Variants in NAALAD2 observed in about 807,000 individuals in gnomAD.
NAALAD2 encodes N-acetylated-alpha-linked acidic dipeptidase 2.
NAALAD2 carries 89 observed loss-of-function variants against 95.6 expected under a neutral mutation model. That is an observed-to-expected ratio of 0.93 (90% CI 0.78 to 1.11). The LOEUF is 1.11. Ranked by LOEUF, NAALAD2 falls within the 50% of genes least tolerant of loss-of-function variation. The pLI is 0.00. For synonymous variants in NAALAD2, 264 were observed against 294.4 expected, an observed-to-expected ratio of 0.90 and a Z score of 1.06; for missense variants, 894 against 872.4, an observed-to-expected ratio of 1.02 and a Z score of -0.31.
chr11:90,182,368 T>C (rs1033801874), intron 17 of NAALAD2, among the ~76,000 whole-genome samples: 2 of 152,146 alleles, frequency 1.3e-5, no homozygotes, highest in African/African-American at 2.4e-5. Context: ...TCAGTAGTTT[T>C]AAGGGACCTC....
intron 5 of NAALAD2, among the ~76,000 whole-genome samples, chr11:90,151,099 G>C (rs1366139769): frequency 1.3e-5 from 2 of 151,738 alleles, no homozygotes; most frequent in African/African-American, 4.8e-5. Context: ...GTAATACATT[G>C]GTTAAGAGTA....
At chr11:90,161,713 T>G (rs1952304279) in intron 8 of NAALAD2, among the ~76,000 whole-genome samples, 1 of 152,186 alleles carries the variant, frequency 6.6e-6, no homozygotes, top group African/African-American at 2.4e-5. Context: ...TTTAGACTAA[T>G]ATCAATTTTT....
At chr11:90,146,509 C>A (rs1022390919) in intron 2 of NAALAD2, among the ~76,000 whole-genome samples, 2 of 151,238 alleles carry the variant, frequency 1.3e-5, no homozygotes, top group Non-Finnish European at 2.9e-5. Flanking sequence ...CAAGCACCCG[C>A]CACGACGCCT....
chr11:90,190,112 T>C (rs1240481456), intron 18 of NAALAD2, among the ~76,000 whole-genome samples: 1 of 152,196 alleles, frequency 6.6e-6, no homozygotes, highest in African/African-American at 2.4e-5. Context: ...CTGAGAAAAT[T>C]AGGGAAAGGA....
intron 13 of NAALAD2, among the ~76,000 whole-genome samples, chr11:90,171,744 G>T (rs959641564): frequency 6.6e-6 from 1 of 152,126 alleles, no homozygotes; most frequent in African/African-American, 2.4e-5. Context: ...AAGCCATATT[G>T]GTGACTTGAG....
chr11:90,166,336 A>C (rs988400599), intron 11 of NAALAD2, among the ~76,000 whole-genome samples: 8 of 152,112 alleles, frequency 5.3e-5, no homozygotes, highest in Non-Finnish European at 8.8e-5. Context: ...AGAGAGAGCG[A>C]AAGAGTCTTA....
intron 18 of NAALAD2, among the ~76,000 whole-genome samples, chr11:90,187,426 T>C (rs12789365): frequency 0.3 from 45,391 of 152,030 alleles, 7,916 homozygotes; most frequent in Non-Finnish European, 0.39. Flanking sequence ...CTAATGCTAA[T>C]TCATATTATT....
chr11:90,167,279 G>A (rs1452568243), intron 11 of NAALAD2, among the ~76,000 whole-genome samples: 3 of 152,142 alleles, frequency 2.0e-5, no homozygotes, highest in Admixed American at 6.5e-5. Flanking sequence ...GCCCGCCCTC[G>A]GAGGCGCCGG....
chr11:90,169,869 C>T (rs1394965679), intron 12 of NAALAD2, among the ~76,000 whole-genome samples, 200 bp from the exon 13 acceptor site: 1 of 152,110 alleles, frequency 6.6e-6, no homozygotes, highest in Non-Finnish European at 1.5e-5. Flanking sequence ...CCACCAAGAC[C>T]TTCTACTATT....
intron 2 of NAALAD2, among the ~76,000 whole-genome samples, chr11:90,145,064 C>T (rs1487719024): frequency 6.6e-6 from 1 of 152,114 alleles, no homozygotes; most frequent in East Asian, 1.9e-4. Context: ...CATTACCCTC[C>T]CTCTAGCAAT....
chr11:90,167,610 C>A (rs1263587463), intron 11 of NAALAD2, among the ~76,000 whole-genome samples: 4 of 152,160 alleles, frequency 2.6e-5, no homozygotes, highest in African/African-American at 9.7e-5. Flanking sequence ...GCTCCTGAGT[C>A]TGGTGGGGAC....
Position 90,163,603 on chromosome 11 carries a change from A to T in NAALAD2, c.1264A>T (p.Thr422Ser). 6.2e-7 allele frequency: 1 copy of T among 1,614,102 alleles called. No individual in the cohort carries two copies. The highest frequency in any genetic ancestry group is 1.1e-5 in the South Asian group (1 of 91,078). Residue 422 changes from threonine (T) to serine (S), a missense_variant, in exon 11 of 19, where the codon ACA becomes TCA. Thr to Ser is a moderately conservative substitution (Grantham distance 58). Coordinates refer to ENST00000534061, the MANE Select transcript of NAALAD2 (RefSeq NM_005467.4). Reference sequence around the variant, plus strand: ...AGAAGAATTTGGACTTCTGGGTTCCACAGAATGGGCTGAGGTAAATAAGAC... The same window carrying T: ...AGAAGAATTTGGACTTCTGGGTTCCTCAGAATGGGCTGAGGTAAATAAGAC... The part of the protein sequence containing the change: ...DAEEFGLLGS[T>S]EWAEENVKIL...
At chr11:90,138,994 A>T (rs1366643703) in intron 2 of NAALAD2, among the ~76,000 whole-genome samples, 1 of 151,906 alleles carries the variant, frequency 6.6e-6, no homozygotes, top group African/African-American at 2.4e-5. Flanking sequence ...CTTTCCATAG[A>T]GTGCAGTGAG....
At chr11:90,177,553 GGGTGTTATAT>G (rs1216831045) in intron 15 of NAALAD2, among the ~76,000 whole-genome samples, 1 of 144,640 alleles carries the variant, frequency 6.9e-6, no homozygotes, top group African/African-American at 2.6e-5. Flanking sequence ...GTAAAACTCA[GGGTGTTATAT>G]GGTTGTATTT....
Position 90,191,777 on chromosome 11 carries a change from G to C in NAALAD2, c.*30G>C. ...TCTCAAGTGGCTAGCCATTAAAGGT[G>C]TTGCTAAAAGTCTGAGGATAAAATT... On this transcript the variant is annotated 3_prime_UTR_variant, in exon 19 of 19. Coordinates refer to ENST00000534061, the MANE Select transcript of NAALAD2 (RefSeq NM_005467.4). 1 of 1,435,106 alleles carries C rather than the reference G, an allele frequency of 7.0e-7. No homozygotes were observed. The highest frequency in any genetic ancestry group is 9.2e-7 in the Non-Finnish European group (1 of 1,086,574). 88.9% of individuals were successfully genotyped at this position (1,435,106 alleles called of 1,614,324 possible). A position where few individuals can be genotyped will look rare whatever the true frequency, so the allele number is the denominator to read the frequency against.
At chr11:90,163,706 AT>A in intron 11 of NAALAD2, 89 bp downstream of exon 11, 1 of 1,148,112 alleles carries the variant, frequency 8.7e-7, no homozygotes, top group Non-Finnish European at 1.3e-6. Context: ...AATATATTCC[AT>A]TACCTAATAT....
At chr11:90,167,758 T>TATCTAGCTA (rs994150589) in intron 11 of NAALAD2, among the ~76,000 whole-genome samples, 69 of 152,234 alleles carry the variant, frequency 4.5e-4, no homozygotes, top group African/African-American at 1.5e-3. Context: ...CCACACTCTA[T>TATCTAGCTA]ATCTAGCTAA....
intron 5 of NAALAD2, among the ~76,000 whole-genome samples, chr11:90,150,991 ATATT>A (rs1951874763): frequency 6.6e-6 from 1 of 152,038 alleles, no homozygotes; most frequent in South Asian, 2.1e-4. Flanking sequence ...CATTTTACAT[ATATT>A]TATTTATTTA....
intron 11 of NAALAD2, among the ~76,000 whole-genome samples, chr11:90,168,654 C>T (rs73545403): frequency 0.023 from 3,500 of 152,198 alleles, 70 homozygotes; most frequent in African/African-American, 0.045. Flanking sequence ...AGGAACCACA[C>T]TTTGAAAATA....
Sources: allele counts gnomAD v4.1 joint callset (sites outside exome capture counted in the v4.1 genomes callset), GRCh38; gene constraint gnomAD v4.1.1; transcripts MANE v1.5; gene names NCBI Gene and HGNC (gene_info 2026-07-23, HGNC 2026-07-21).